EEFSEC: variants seen among roughly 807,000 people sequenced by gnomAD.
EEFSEC encodes the protein eukaryotic elongation factor, selenocysteine-tRNA specific.
EEFSEC carries 43 observed loss-of-function variants against 42.1 expected under a neutral mutation model. The ratio of observed to expected loss-of-function variants is 1.02; its 90% CI spans 0.80 to 1.32. The LOEUF is 1.32. EEFSEC is among the 40% of genes most tolerant of loss of function. The pLI is 0.00. For missense variants in EEFSEC, 745 were observed against 803.6 expected (o/e 0.93, Z 0.88); for synonymous variants, 354 against 339.1 (o/e 1.04, Z -0.48).
intron 4 of EEFSEC, among the ~76,000 whole-genome samples, chr3:128,318,276 G>C (rs563812247): frequency 5.4e-4 from 82 of 152,370 alleles, no homozygotes; most frequent in South Asian, 1.2e-3. Context: ...CCTTTGCAAA[G>C]TTTTGCTGGG....
At chr3:128,184,063 G>A (rs191200222) in intron 1 of EEFSEC, among the ~76,000 whole-genome samples, 11 of 152,250 alleles carry the variant, frequency 7.2e-5, no homozygotes, top group African/African-American at 1.7e-4. Context: ...GAGAGGCATC[G>A]AAGCCAAACA....
At chr3:128,415,557 G>A in the EEFSEC span, among the ~76,000 whole-genome samples, 9 of 152,204 alleles carry the variant, frequency 5.9e-5, no homozygotes, top group Non-Finnish European at 8.8e-5. Context: ...ATCCACTCCC[G>A]CACTGGCCAG....
At position 128,209,391 on chromosome 3, in the gene EEFSEC, A is replaced by T. The variant is rs1287071330; in HGVS notation, c.317-37445A>T. Among the ~76,000 whole-genome samples the T allele has an allele frequency of 2.0e-5, 3 of 152,072 alleles. No homozygotes were observed. The East Asian group carries it at 5.8e-4, about 29-fold the overall frequency. ...ATGGTGGGTTTGTGTGTCTGAGTAG[A>T]GGGGGAGTGTAGGAGGGGAAGACAG... On this transcript the variant is annotated intron_variant, in intron 1 of 6. Transcript: ENST00000254730.
chr3:128,330,414 G>A (rs1249122709), intron 4 of EEFSEC, among the ~76,000 whole-genome samples: 1 of 152,174 alleles, frequency 6.6e-6, no homozygotes, highest in Non-Finnish European at 1.5e-5. Context: ...CTGTCTACCT[G>A]GGGCTGTCTG....
chr3:128,344,943 T>C (rs888945377), intron 5 of EEFSEC, among the ~76,000 whole-genome samples: 2 of 152,220 alleles, frequency 1.3e-5, no homozygotes, highest in African/African-American at 4.8e-5. Context: ...GCTGAGTTTG[T>C]TCCAAAGGGG....
chr3:128,396,940 C>A (rs922671458), intron 6 of EEFSEC, among the ~76,000 whole-genome samples: 1 of 152,234 alleles, frequency 6.6e-6, no homozygotes, highest in East Asian at 1.9e-4. Context: ...TCTTGGCCAT[C>A]TGGGCTGCTT....
chr3:128,239,386 G>A lies in EEFSEC; in HGVS notation c.317-7450G>A, dbSNP rs2999078. ...TTAGTGAGTCTGGGGCATGTGGCAG[G>A]TGCTGGGTGAGGTGCCCTCCTCCAA... is the stretch of plus-strand genomic sequence containing the variant. On this transcript the variant is annotated intron_variant, in intron 1 of 6. Coordinates refer to ENST00000254730, the MANE Select transcript of EEFSEC (RefSeq NM_021937.5). Among the ~76,000 whole-genome samples, 58 of 152,318 alleles carry A rather than the reference G, an allele frequency of 3.8e-4. No homozygotes were observed. In the East Asian group the frequency reaches 9.5e-3, roughly 25 times the overall value.
At chr3:128,348,506 T>C (rs1043293789) in intron 5 of EEFSEC, among the ~76,000 whole-genome samples, 2 of 152,242 alleles carry the variant, frequency 1.3e-5, no homozygotes, top group African/African-American at 4.8e-5. Flanking sequence ...TCTAACCTGC[T>C]TTTTAACAAA....
At chr3:128,363,933 A>G (rs1056849775) in intron 6 of EEFSEC, among the ~76,000 whole-genome samples, 5 of 152,060 alleles carry the variant, frequency 3.3e-5, no homozygotes, top group Admixed American at 3.3e-4. Flanking sequence ...GCAGACACCA[A>G]CCTCATCAGA....
intron 2 of EEFSEC, among the ~76,000 whole-genome samples, chr3:128,256,750 C>T (rs1282766803): frequency 6.6e-6 from 1 of 152,140 alleles, no homozygotes; most frequent in Non-Finnish European, 1.5e-5. Context: ...TCTGTATGTT[C>T]TTCTTGGTCA....
At chr3:128,211,653 C>A (rs535629764) in intron 1 of EEFSEC, among the ~76,000 whole-genome samples, 1 of 151,432 alleles carries the variant, frequency 6.6e-6, no homozygotes, top group Non-Finnish European at 1.5e-5. Flanking sequence ...GTAGCTGGGA[C>A]TACAGGTGCA....
intron 1 of EEFSEC, among the ~76,000 whole-genome samples, chr3:128,241,555 G>A (rs1258195943): frequency 6.6e-6 from 1 of 151,806 alleles, no homozygotes; most frequent in African/African-American, 2.4e-5. Context: ...ATGTTGCCTA[G>A]GCTGGTCTTG....
At chr3:128,308,166 G>C (rs1384070664) in intron 4 of EEFSEC, among the ~76,000 whole-genome samples, 1 of 152,252 alleles carries the variant, frequency 6.6e-6, no homozygotes, top group Non-Finnish European at 1.5e-5. Flanking sequence ...ACCCAGGAGT[G>C]GGTCTCAGAA....
At chr3:128,327,751 C>T (rs906952573) in intron 4 of EEFSEC, among the ~76,000 whole-genome samples, 3 of 152,134 alleles carry the variant, frequency 2.0e-5, no homozygotes, top group African/African-American at 7.2e-5. Context: ...CACCAGGGCA[C>T]CCGGAGCCCT....
intron 1 of EEFSEC, among the ~76,000 whole-genome samples, chr3:128,188,029 A>G (rs886075706): frequency 6.6e-6 from 1 of 152,170 alleles, no homozygotes; most frequent in Non-Finnish European, 1.5e-5. Context: ...GGACCAAAAC[A>G]TTTACACTTT....
At chr3:128,351,060 A>G (rs2067379244) in intron 5 of EEFSEC, among the ~76,000 whole-genome samples, 1 of 152,006 alleles carries the variant, frequency 6.6e-6, no homozygotes. Context: ...CCCATTCCTC[A>G]TTGGATCCAA....
chr3:128,386,482 G>C (rs897435378), intron 6 of EEFSEC, among the ~76,000 whole-genome samples: 1 of 151,296 alleles, frequency 6.6e-6, no homozygotes. Flanking sequence ...ACAGGCAGTG[G>C]GGGGGGGATG....
intron 4 of EEFSEC, among the ~76,000 whole-genome samples, chr3:128,297,657 G>A (rs1042240816): frequency 6.6e-6 from 1 of 152,208 alleles, no homozygotes; most frequent in Non-Finnish European, 1.5e-5. Flanking sequence ...GCAGAGCTTT[G>A]AGTCTTGTGC....
At chr3:128,285,905 T>C (rs1332689463) in intron 4 of EEFSEC, among the ~76,000 whole-genome samples, 4 of 152,212 alleles carry the variant, frequency 2.6e-5, no homozygotes, top group Non-Finnish European at 1.5e-5. Context: ...CAAATTTATG[T>C]GAAAAGAGAA....
Sources: gnomAD v4.1 joint callset for allele counts (sites outside exome capture counted in the v4.1 genomes callset) on GRCh38, gnomAD v4.1.1 for gene constraint, MANE v1.5 for transcripts, NCBI Gene and HGNC (gene_info 2026-07-23, HGNC 2026-07-21) for gene names.